RASA1: variants seen among roughly 807,000 people sequenced by gnomAD.
The protein encoded by RASA1 is ras GTPase-activating protein 1.
In RASA1, 25 loss-of-function variants were observed where a neutral mutation model predicts 132.2. That is an observed-to-expected ratio of 0.19 (90% CI 0.14 to 0.26). RASA1 has a LOEUF of 0.26. Among genes scored for constraint, RASA1 ranks in the 10% least tolerant of loss-of-function variants. The probability of loss-of-function intolerance (pLI) is 1.00; values close to 1 mark genes in which losing one functional copy is unlikely to be tolerated. For synonymous variants in RASA1, 477 were observed against 449.9 expected (o/e 1.06, Z -0.76); for missense variants, 964 against 1,299.2 (o/e 0.74, Z 3.97).
intron 23 of RASA1, among the ~76,000 whole-genome samples, chr5:87,388,166 A>G (rs1762197127): frequency 6.6e-6 from 1 of 152,192 alleles, no homozygotes; most frequent in Non-Finnish European, 1.5e-5. Flanking sequence ...AGTCCTTTCT[A>G]CTGGAGTCAG....
chr5:87,338,784 C>CT (rs1341216510), intron 5 of RASA1, among the ~76,000 whole-genome samples: 18 of 151,206 alleles, frequency 1.2e-4, no homozygotes, highest in Non-Finnish European at 2.7e-4. Flanking sequence ...GTTTTAGATT[C>CT]TTTATCTTTC....
chr5:87,306,941 C>T (rs1166128315), intron 1 of RASA1, among the ~76,000 whole-genome samples: 1 of 152,152 alleles, frequency 6.6e-6, no homozygotes, highest in African/African-American at 2.4e-5. Flanking sequence ...TTACTGCATA[C>T]TTGAACTCCT....
chr5:87,305,133 G>T (rs1755550370), intron 1 of RASA1, among the ~76,000 whole-genome samples: 1 of 151,224 alleles, frequency 6.6e-6, no homozygotes, highest in African/African-American at 2.5e-5. Context: ...TGCAAAGTTA[G>T]CAAAAATTTT....
At chr5:87,332,103 A>G (rs1043356175) in intron 2 of RASA1, among the ~76,000 whole-genome samples, 2 of 152,168 alleles carry the variant, frequency 1.3e-5, no homozygotes, top group Non-Finnish European at 2.9e-5. Flanking sequence ...CCATGATACC[A>G]CATGTAGTAT....
chr5:87,295,415 A>G (rs563000877), intron 1 of RASA1, among the ~76,000 whole-genome samples: 1 of 151,744 alleles, frequency 6.6e-6, no homozygotes, highest in African/African-American at 2.4e-5. Flanking sequence ...ACTTTTTGTT[A>G]TGCACTTTTT....
At chr5:87,293,324 A>G (rs1754986229) in intron 1 of RASA1, among the ~76,000 whole-genome samples, 1 of 151,700 alleles carries the variant, frequency 6.6e-6, no homozygotes, top group Non-Finnish European at 1.5e-5. Flanking sequence ...ATGATTGGGT[A>G]TTGGATACCG....
At chr5:87,326,966 T>A (rs1188587351) in intron 1 of RASA1, among the ~76,000 whole-genome samples, 2 of 152,208 alleles carry the variant, frequency 1.3e-5, no homozygotes, top group East Asian at 3.8e-4. Flanking sequence ...ATTCACAGAT[T>A]GATCACCCAT....
At chr5:87,381,132 G>C (rs923472634) in intron 20 of RASA1, among the ~76,000 whole-genome samples, 2 of 152,166 alleles carry the variant, frequency 1.3e-5, no homozygotes, top group African/African-American at 4.8e-5. Flanking sequence ...TCTATAGGAA[G>C]AACTGCTTTG....
chr5:87,282,962 C>G (rs1466338455), intron 1 of RASA1, among the ~76,000 whole-genome samples: 4 of 152,174 alleles, frequency 2.6e-5, no homozygotes, highest in African/African-American at 9.6e-5. Flanking sequence ...CTTACGTACT[C>G]AGCATTTTTT....
rs546380722 is a variant in RASA1 at position 87,292,308 on chromosome 5, C to T, written c.539+23318C>T. On this transcript the variant is annotated intron_variant, in intron 1 of 24. Transcript: ENST00000274376. ...GTTTTATAGTTTTGCATTTTAATTT[C>T]GGTCTGTGATCCATTTTGAGTTAAA... 6.0e-5 allele frequency among the ~76,000 whole-genome samples: 9 copies of T among 149,246 alleles called. No individual in the cohort carries two copies. The East Asian group carries it at 1.2e-3, about 19-fold the overall frequency.
chr5:87,299,298 A>G (rs1372981076), intron 1 of RASA1, among the ~76,000 whole-genome samples: 1 of 152,202 alleles, frequency 6.6e-6, no homozygotes, highest in Non-Finnish European at 1.5e-5. Flanking sequence ...TGGGAGTAGT[A>G]TAGAGGAAGA....
intron 15 of RASA1, among the ~76,000 whole-genome samples, chr5:87,375,936 A>G (rs1384968662): frequency 1.3e-5 from 2 of 152,194 alleles, no homozygotes; most frequent in African/African-American, 4.8e-5. Flanking sequence ...GCCATACCTT[A>G]TATTTGAAGT....
At chr5:87,279,725 A>G (rs922109756) in intron 1 of RASA1, among the ~76,000 whole-genome samples, 11 of 152,070 alleles carry the variant, frequency 7.2e-5, no homozygotes, top group African/African-American at 2.7e-4. Flanking sequence ...TGTGATTTTG[A>G]TTAACATTTT....
At chr5:87,308,743 CT>C (rs1755736845) in intron 1 of RASA1, among the ~76,000 whole-genome samples, 1 of 152,042 alleles carries the variant, frequency 6.6e-6, no homozygotes, top group Non-Finnish European at 1.5e-5. Flanking sequence ...TTTATTGTGT[CT>C]TTTCTGTATT....
intron 15 of RASA1, among the ~76,000 whole-genome samples, chr5:87,375,697 ATCC>A (rs1023756208): frequency 2.0e-5 from 3 of 152,150 alleles, no homozygotes; most frequent in Admixed American, 6.6e-5. Flanking sequence ...AGCTCCTTCC[ATCC>A]TGCTGCTAAA....
At chr5:87,287,026 T>C (rs890767552) in intron 1 of RASA1, among the ~76,000 whole-genome samples, 2 of 147,166 alleles carry the variant, frequency 1.4e-5, no homozygotes, top group Non-Finnish European at 3.0e-5. Flanking sequence ...ACCATATATA[T>C]ACCATATATA....
intron 1 of RASA1, 114 bp downstream of exon 1, chr5:87,269,104 T>C (rs370286510): frequency 3.1e-6 from 5 of 1,613,780 alleles, no homozygotes; most frequent in East Asian, 2.2e-5. Flanking sequence ...GGAAAAGTTT[T>C]TGAAGTTTCA....
chr5:87,361,382 A>G (rs1163699072), intron 9 of RASA1, among the ~76,000 whole-genome samples: 1 of 152,212 alleles, frequency 6.6e-6, no homozygotes, highest in Admixed American at 6.5e-5. Context: ...AGTTCCTAGG[A>G]TGATGAAACA....
rs138789310 is a variant in RASA1, at chr5:87,288,849, G to A, written c.539+19859G>A. 7.0e-3 allele frequency among the ~76,000 whole-genome samples: 1,065 copies of A among 152,190 alleles called. 5 individuals are homozygous for A. Among genetic ancestry groups the A allele is most frequent in the African/African-American group, 0.016 (678 of 41,540 alleles). ...TGTCCCTTTCTCTTTATACACACAT[G>A]TATATATTACTTTTGCTGAACTGTT... On this transcript the variant is annotated intron_variant, in intron 1 of 24. Transcript: ENST00000274376.
Sources: gnomAD v4.1 joint callset for allele counts (sites outside exome capture counted in the v4.1 genomes callset) on GRCh38, gnomAD v4.1.1 for gene constraint, MANE v1.5 for transcripts, NCBI Gene and HGNC (gene_info 2026-07-23, HGNC 2026-07-21) for gene names.